PIKFYVE: variants seen among roughly 807,000 people sequenced by gnomAD.
The protein encoded by PIKFYVE is 1-phosphatidylinositol 3-phosphate 5-kinase.
Under a neutral mutation model 257.9 loss-of-function variants are expected in PIKFYVE, and 122 were observed. The observed-to-expected ratio is 0.47, with a 90% CI of 0.41 to 0.55. PIKFYVE has a LOEUF of 0.55. Among genes scored for constraint, PIKFYVE ranks in the 20% least tolerant of loss-of-function variants. The pLI is 0.00. For missense variants in PIKFYVE, 2,160 were observed against 2,536.6 expected (o/e 0.85, Z 3.19); for synonymous variants, 892 against 868.9 (o/e 1.03, Z -0.47).
rs1232169245 is a variant in PIKFYVE at position 208,333,574 on chromosome 2, A to G, written c.4142+81A>G. The G allele has an allele frequency of 2.1e-6, 3 of 1,435,118 alleles. No individual in the cohort carries two copies. In the African/African-American group the frequency reaches 4.2e-5, roughly 20 times the overall value. The allele number at this position is 1,435,118 out of a possible 1,614,324, so 88.9% of individuals were successfully genotyped here. A position where few individuals can be genotyped will look rare whatever the true frequency, so the allele number is the denominator to read the frequency against. ...TTTTTTTAACATTTTCACCATTACTAGATTGAATTAATTTGTGGGATTCCC... is the reference window on the plus strand; with the variant it reads ...TTTTTTTAACATTTTCACCATTACTGGATTGAATTAATTTGTGGGATTCCC... On this transcript the variant is annotated intron_variant, in intron 24 of 41. Coordinates refer to ENST00000264380, the MANE Select transcript of PIKFYVE (RefSeq NM_015040.4).
In PIKFYVE at chr2:208,350,045, C is replaced by T. The variant is rs147015179; in HGVS notation, c.5396C>T (p.Thr1799Ile). The T allele has an allele frequency of 3.9e-5, 63 of 1,611,462 alleles. No individual in the cohort carries two copies. The highest frequency in any genetic ancestry group is 3.3e-4 in the Admixed American group (20 of 59,886). Reference sequence around the variant, plus strand: ...TTAGATGAAGTAGATGGAGGAGATACACAAAAGAAGCAACTCATAAATCCT... The same window carrying T: ...TTAGATGAAGTAGATGGAGGAGATATACAAAAGAAGCAACTCATAAATCCT... ...EPQDEVDGGD[T>I]QKKQLINPHV... is the part of the protein sequence containing the mutation. The change falls in exon 36 of 42, where the codon ACA (threonine) becomes ATA (isoleucine). Residue 1799 changes from threonine (T) to isoleucine (I), a missense_variant. Physicochemically the swap from Thr to Ile is moderately conservative, Grantham distance 89 (BLOSUM62 -1). This residue lies in a region of PIKFYVE where 699 missense variants were observed against 855.8 expected (regional missense o/e 0.82). Transcript: ENST00000264380.
At chr2:208,352,803 G>A (rs1265135294) in intron 39 of PIKFYVE, 21 bp downstream of exon 39, 1 of 1,610,138 alleles carries the variant, frequency 6.2e-7, no homozygotes, top group Non-Finnish European at 8.5e-7. Context: ...TGGACTATGT[G>A]AAGCATTTAG....
chr2:208,272,246 ATAAAAT>A (rs1449136398), intron 2 of PIKFYVE, among the ~76,000 whole-genome samples: 13 of 152,022 alleles, frequency 8.6e-5, no homozygotes, highest in Non-Finnish European at 1.6e-4. Context: ...AAAAATAAAA[ATAAAAT>A]AAAAAACTAA....
chr2:208,311,611 G>A (rs189233203), intron 12 of PIKFYVE, among the ~76,000 whole-genome samples: 33 of 152,278 alleles, frequency 2.2e-4, no homozygotes, highest in Admixed American at 7.2e-4. Context: ...TATATTAAAA[G>A]CATTCAGAGT....
chr2:208,285,952 A>C lies in PIKFYVE; in HGVS notation c.821+19A>C. 1 of 1,606,032 alleles carries C rather than the reference A, an allele frequency of 6.2e-7. No individual in the cohort carries two copies. The highest frequency in any genetic ancestry group is 1.7e-4 in the Middle Eastern group (1 of 6,054). On this transcript the variant is annotated intron_variant, in intron 6 of 41. Coordinates refer to ENST00000264380, the MANE Select transcript of PIKFYVE (RefSeq NM_015040.4). ...GGCAAAGGTATTGTCCCTTAAATATAATTTTATTTAGAGTTGAAAAATATC... is the reference window on the plus strand; with the variant it reads ...GGCAAAGGTATTGTCCCTTAAATATCATTTTATTTAGAGTTGAAAAATATC...
intron 32 of PIKFYVE, among the ~76,000 whole-genome samples, chr2:208,342,877 C>T (rs1213426824): frequency 6.7e-6 from 1 of 150,058 alleles, no homozygotes; most frequent in Non-Finnish European, 1.5e-5. Flanking sequence ...TCACTGCAAC[C>T]TCTGCCTCCT....
At chr2:208,281,842 T>C (rs186954724) in intron 5 of PIKFYVE, among the ~76,000 whole-genome samples, 50 of 152,354 alleles carry the variant, frequency 3.3e-4, no homozygotes, top group African/African-American at 1.2e-3. Flanking sequence ...TCAAGGTTGG[T>C]GATTCAGTTT....
rs199633056 is a variant in PIKFYVE, at chr2:208,355,141, A to C, written c.6182-49A>C. On this transcript the variant is annotated intron_variant, in intron 41 of 41. Coordinates refer to ENST00000264380, the MANE Select transcript of PIKFYVE (RefSeq NM_015040.4). The stretch of plus-strand genomic sequence containing the variant: ...CATGGTCAGTTGACTTCAGTTGCCC[A>C]ATCAATTATATAACAGCTTTTTCCC... 2.8e-4 allele frequency: 407 copies of C among 1,434,214 alleles called. 3 individuals carry two copies. In the Admixed American group the frequency reaches 6.7e-3, roughly 24 times the overall value. 88.8% of individuals were successfully genotyped at this position (1,434,214 alleles called of 1,614,324 possible). A position where few individuals can be genotyped will look rare whatever the true frequency, so the allele number is the denominator to read the frequency against.
rs1699118956 is a variant in PIKFYVE at position 208,345,195 on chromosome 2, G to A, written c.5111+1G>A. The A allele has an allele frequency of 6.3e-7, 1 of 1,599,638 alleles. No homozygotes were observed. The highest frequency in any genetic ancestry group is 8.6e-7 in the Non-Finnish European group (1 of 1,167,130). Reference sequence around the variant, plus strand: ...CCGAAGAAGGGCTTCCAACAAATAGGTGATTCATGATTGAGTAGAAACTAT... The same window carrying A: ...CCGAAGAAGGGCTTCCAACAAATAGATGATTCATGATTGAGTAGAAACTAT... On this transcript the variant is annotated splice_donor_variant, in intron 33 of 41. Coordinates refer to ENST00000264380, the MANE Select transcript of PIKFYVE (RefSeq NM_015040.4). LOFTEE classifies it high-confidence loss of function.
At chr2:208,348,149 A>C in intron 35 of PIKFYVE, 126 bp downstream of exon 35, 18 of 1,232,462 alleles carry the variant, frequency 1.5e-5, no homozygotes, top group Non-Finnish European at 2.0e-5. Flanking sequence ...CTCTGTTCTC[A>C]CTTGTCAGTG....
chr2:208,314,369 A>AC lies in PIKFYVE; in HGVS notation c.1774dup (p.Leu592ProfsTer21). ...ACACCTTTGGGCTGGCATCATAACA[A>AC]CCTGGAGCTCCTGAGGGAGGAGAAT... On this transcript the variant is annotated frameshift_variant, in exon 14 of 42. Transcript: ENST00000264380. LOFTEE classifies it high-confidence loss of function. 6.2e-7 allele frequency: 1 copy of AC among 1,614,018 alleles called. No individual in the cohort carries two copies. Among genetic ancestry groups the AC allele is most frequent in the Non-Finnish European group, 8.5e-7 (1 of 1,179,944 alleles).
chr2:208,307,502 GC>G (rs1694467627), intron 12 of PIKFYVE, among the ~76,000 whole-genome samples: 1 of 152,136 alleles, frequency 6.6e-6, no homozygotes, highest in African/African-American at 2.4e-5. Flanking sequence ...GGATCATGGA[GC>G]CAGAGTTTGT....
At chr2:208,340,878 A>G (rs1698630536) in intron 31 of PIKFYVE, among the ~76,000 whole-genome samples, 1 of 152,208 alleles carries the variant, frequency 6.6e-6, no homozygotes, top group Non-Finnish European at 1.5e-5. Flanking sequence ...GTGATATGTT[A>G]CATGACAGTA....
intron 12 of PIKFYVE, among the ~76,000 whole-genome samples, chr2:208,310,735 GA>G (rs1694848612): frequency 6.6e-6 from 1 of 151,914 alleles, no homozygotes; most frequent in East Asian, 1.9e-4. Context: ...GTTATGAAAA[GA>G]AAAAAAGACA....
chr2:208,271,290 G>A (rs1689385802), intron 1 of PIKFYVE, among the ~76,000 whole-genome samples: 2 of 152,092 alleles, frequency 1.3e-5, no homozygotes, highest in African/African-American at 4.8e-5. Flanking sequence ...TTAAAATTGA[G>A]TTGGCTATCA....
At chr2:208,346,225 A>C in intron 34 of PIKFYVE, 78 bp downstream of exon 34, 1 of 1,148,186 alleles carries the variant, frequency 8.7e-7, no homozygotes, top group Non-Finnish European at 1.3e-6. Context: ...ACATAAAAAC[A>C]AATAAGTACT....
chr2:208,341,462 A>G (rs1015744992), intron 31 of PIKFYVE, among the ~76,000 whole-genome samples: 2 of 152,006 alleles, frequency 1.3e-5, no homozygotes, highest in Non-Finnish European at 2.9e-5. Context: ...GTAGGTTTCT[A>G]TTATATGCTC....
At chr2:208,305,175 A>G (rs1694177062) in intron 12 of PIKFYVE, 162 bp downstream of exon 12, 3 of 1,524,118 alleles carry the variant, frequency 2.0e-6, no homozygotes, top group East Asian at 5.0e-5. Flanking sequence ...CCTCCTCCCC[A>G]TACCTTTTTT....
Position 208,329,844 on chromosome 2 carries a change from T to A in PIKFYVE, c.3722T>A (p.Ile1241Asn). The A allele has an allele frequency of 1.2e-6, 2 of 1,610,866 alleles. No homozygotes were observed. The highest frequency in any genetic ancestry group is 1.7e-6 in the Non-Finnish European group (2 of 1,177,798). Residue 1241 changes from isoleucine (I) to asparagine (N), a missense_variant and splice_region_variant, in exon 22 of 42, where the codon ATT (isoleucine) becomes AAT (asparagine). By Grantham distance (149) the Ile-to-Asn change is moderately radical. Coordinates refer to ENST00000264380, the MANE Select transcript of PIKFYVE (RefSeq NM_015040.4). ...CTAAGAGGTGGTCTCTTCTTTAGGA[T>A]TGTAACAATGGAATTTTATGGAAAG... ...NAPSACVSPW[I>N]VTMEFYGKND...
Sources: gnomAD v4.1 joint callset for allele counts (sites outside exome capture counted in the v4.1 genomes callset) on GRCh38, gnomAD v4.1.1 for gene constraint, gnomAD v4.1.1 regional missense constraint, MANE v1.5 for transcripts, NCBI Gene and HGNC (gene_info 2026-07-23, HGNC 2026-07-21) for gene names.